The following ASIC2 variants were observed in gnomAD, a reference collection of about 807,000 sequenced individuals.
ASIC2 encodes the protein acid sensing ion channel subunit 2.
Under a neutral mutation model 57.3 loss-of-function variants are expected in ASIC2, and 25 were observed. That is an observed-to-expected ratio of 0.44 (90% confidence interval 0.32 to 0.61). ASIC2 has a LOEUF of 0.61. Among genes scored for constraint, ASIC2 ranks in the 20% least tolerant of loss-of-function variants. The pLI is 0.06. For synonymous variants in ASIC2, 319 were observed against 307.5 expected (o/e 1.04, Z -0.39); for missense variants, 641 against 738.1 (o/e 0.87, Z 1.52).
intron 1 of ASIC2, among the ~76,000 whole-genome samples, chr17:33,633,056 C>A (rs912374729): frequency 1.3e-5 from 2 of 152,182 alleles, no homozygotes; most frequent in Non-Finnish European, 2.9e-5. Flanking sequence ...AAAGCCTCCT[C>A]CCCTAGAAAC....
intron 1 of ASIC2, among the ~76,000 whole-genome samples, chr17:33,755,084 T>G (rs1474092298): frequency 6.6e-6 from 1 of 152,058 alleles, no homozygotes. Context: ...TATTCTGGAT[T>G]ATTCAGGTCA....
At position 33,757,992 on chromosome 17, in the gene ASIC2, T is replaced by G. The variant is rs557422511; in HGVS notation, c.555+397986A>C. Among the ~76,000 whole-genome samples the G allele has an allele frequency of 2.2e-4, 33 of 152,348 alleles. 1 individual carries two copies. The South Asian group carries it at 6.6e-3, about 31-fold the overall frequency. The stretch of plus-strand genomic sequence containing the variant: ...AACTTGTCGAATCCTCCCTCTCAGA[T>G]AGCTTGAGAACAATTGATTTCTGCA... On this transcript the variant is annotated intron_variant, in intron 1 of 9. Transcript: ENST00000359872.
chr17:33,659,775 G>A (rs559404575), intron 1 of ASIC2, among the ~76,000 whole-genome samples: 229 of 152,068 alleles, frequency 1.5e-3, no homozygotes, highest in Non-Finnish European at 2.5e-3. Context: ...GGGAGGCTGA[G>A]GCAGGAGAAT....
chr17:33,124,029 A>G (rs1382593237), intron 1 of ASIC2, among the ~76,000 whole-genome samples: 2 of 152,272 alleles, frequency 1.3e-5, no homozygotes, highest in Admixed American at 1.3e-4. Flanking sequence ...GGCAGGGCAG[A>G]AAACAATCCC....
At chr17:33,622,072 C>T (rs191422361) in intron 1 of ASIC2, among the ~76,000 whole-genome samples, 66 of 152,074 alleles carry the variant, frequency 4.3e-4, no homozygotes, top group African/African-American at 1.5e-3. Flanking sequence ...AAGCATTTCT[C>T]TCCCTTTCTT....
intron 1 of ASIC2, among the ~76,000 whole-genome samples, chr17:33,356,760 T>C (rs1029000995): frequency 3.3e-5 from 5 of 152,236 alleles, no homozygotes; most frequent in Admixed American, 2.6e-4. Flanking sequence ...ATTATGTAAT[T>C]AGGTCTTTGG....
intron 1 of ASIC2, among the ~76,000 whole-genome samples, chr17:34,100,385 G>A (rs1242076816): frequency 6.6e-6 from 1 of 152,038 alleles, no homozygotes; most frequent in Non-Finnish European, 1.5e-5. Context: ...CAGCTCCATG[G>A]CACGGTAAGG....
At chr17:34,038,017 A>G (rs973301873) in intron 1 of ASIC2, 14 of 1,613,336 alleles carry the variant, frequency 8.7e-6, no homozygotes, top group African/African-American at 4.0e-5. Flanking sequence ...GTAAATACCA[A>G]TAAGTACCAG....
intron 1 of ASIC2, among the ~76,000 whole-genome samples, chr17:33,625,200 C>CATCT (rs144550506): frequency 0.015 from 2,207 of 151,184 alleles, 44 homozygotes; most frequent in East Asian, 0.074. Flanking sequence ...TATTATCTGT[C>CATCT]ATCTATCTAT....
intron 1 of ASIC2, among the ~76,000 whole-genome samples, chr17:33,280,474 T>G (rs1000040416): frequency 1.3e-4 from 20 of 152,132 alleles, no homozygotes; most frequent in Non-Finnish European, 2.1e-4. Flanking sequence ...CATACAAACA[T>G]AGAGCTGGGA....
intron 1 of ASIC2, among the ~76,000 whole-genome samples, chr17:33,970,305 C>G (rs574929051): frequency 6.6e-6 from 1 of 152,146 alleles, no homozygotes; most frequent in Non-Finnish European, 1.5e-5. Context: ...TCCTCATTCT[C>G]GAAGCCCAGG....
intron 1 of ASIC2, among the ~76,000 whole-genome samples, chr17:33,458,564 C>T (rs1912530043): frequency 6.6e-6 from 1 of 152,200 alleles, no homozygotes; most frequent in Non-Finnish European, 1.5e-5. Context: ...GTTAACACCT[C>T]TGTGCCTCAG....
chr17:33,425,693 A>G (rs1911194669), intron 1 of ASIC2, among the ~76,000 whole-genome samples: 1 of 152,184 alleles, frequency 6.6e-6, no homozygotes, highest in South Asian at 2.1e-4. Flanking sequence ...AACATAAATT[A>G]TCTGTCTGGA....
chr17:33,377,190 A>T (rs1909310873), intron 1 of ASIC2, among the ~76,000 whole-genome samples: 1 of 152,164 alleles, frequency 6.6e-6, no homozygotes, highest in Admixed American at 6.5e-5. Context: ...AGCTGGGACT[A>T]CAGACACTTG....
rs557458435 is a variant in ASIC2, at chr17:33,092,293, G to T, written c.860-3303C>A. ...CTTCCTTTTAAAGATTGCTTTCCAG[G>T]TTGGTAGTGAAGAGCAGCTCCCTGC... On this transcript the variant is annotated intron_variant, in intron 2 of 9. Transcript: ENST00000225823. Among the ~76,000 whole-genome samples the T allele has an allele frequency of 6.6e-5, 10 of 152,348 alleles. No individual in the cohort carries two copies. The South Asian group carries it at 1.9e-3, about 28-fold the overall frequency.
At chr17:33,458,970 G>T (rs1006511756) in intron 1 of ASIC2, among the ~76,000 whole-genome samples, 2 of 152,116 alleles carry the variant, frequency 1.3e-5, no homozygotes, top group African/African-American at 4.8e-5. Flanking sequence ...AAGACTGATG[G>T]TCTCATTACT....
chr17:34,020,619 G>GA (rs1244696426), intron 1 of ASIC2, among the ~76,000 whole-genome samples: 1 of 152,130 alleles, frequency 6.6e-6, no homozygotes, highest in Non-Finnish European at 1.5e-5. Flanking sequence ...GAAAGCATGA[G>GA]AAAAAACCAG....
At chr17:34,135,291 CTG>C (rs1245239719) in intron 1 of ASIC2, among the ~76,000 whole-genome samples, 1 of 152,262 alleles carries the variant, frequency 6.6e-6, no homozygotes, top group Non-Finnish European at 1.5e-5. Flanking sequence ...AGCTGAATCA[CTG>C]AAAGCAGGAA....
intron 1 of ASIC2, among the ~76,000 whole-genome samples, chr17:33,879,303 A>G (rs9908537): frequency 0.44 from 67,215 of 152,108 alleles, 15,129 homozygotes; most frequent in East Asian, 0.59. Context: ...ATTAAAAGAC[A>G]CAGACTGGCA....
Sources: allele counts gnomAD v4.1 joint callset (sites outside exome capture counted in the v4.1 genomes callset), GRCh38; gene constraint gnomAD v4.1.1; transcripts MANE v1.5; gene names NCBI Gene and HGNC (gene_info 2026-07-23, HGNC 2026-07-21).